Variants in CDYL observed in about 807,000 individuals in gnomAD.
CDYL encodes chromodomain Y like, also known as chromodomain Y-like protein.
CDYL carries 8 observed loss-of-function variants against 47.3 expected under a neutral mutation model. The ratio of observed to expected loss-of-function variants is 0.17; its 90% CI spans 0.10 to 0.31. CDYL has a LOEUF of 0.31. Among genes scored for constraint, CDYL ranks in the 10% least tolerant of loss-of-function variants. The probability of loss-of-function intolerance (pLI) is 1.00; values close to 1 mark genes in which losing one functional copy is unlikely to be tolerated. For synonymous variants in CDYL, 266 were observed against 265.0 expected (o/e 1.00, Z -0.04); for missense variants, 471 against 701.4 (o/e 0.67, Z 3.71).
At chr6:4,844,768 TG>T (rs1460466005) in intron 1 of CDYL, among the ~76,000 whole-genome samples, 4 of 152,234 alleles carry the variant, frequency 2.6e-5, no homozygotes. Flanking sequence ...AGGTAGCTTA[TG>T]AGTTCAGAGC....
At chr6:4,785,705 T>C (rs1261069323) in intron 1 of CDYL, among the ~76,000 whole-genome samples, 1 of 152,230 alleles carries the variant, frequency 6.6e-6, no homozygotes, top group Non-Finnish European at 1.5e-5. Context: ...CCATGCACAC[T>C]GGACAACAGC....
intron 2 of CDYL, among the ~76,000 whole-genome samples, chr6:4,895,015 A>G (rs1033682015): frequency 4.0e-5 from 6 of 151,712 alleles, no homozygotes; most frequent in African/African-American, 1.5e-4. Flanking sequence ...GTTTATACAT[A>G]TATGTATGTA....
chr6:4,910,042 T>G (rs1757363693), intron 2 of CDYL, among the ~76,000 whole-genome samples: 1 of 152,110 alleles, frequency 6.6e-6, no homozygotes, highest in Non-Finnish European at 1.5e-5. Context: ...TACCTTTTTT[T>G]TTTTTAATCT....
At chr6:4,945,241 T>A (rs1758477100) in intron 5 of CDYL, among the ~76,000 whole-genome samples, 1 of 152,204 alleles carries the variant, frequency 6.6e-6, no homozygotes, top group South Asian at 2.1e-4. Context: ...TATGTGACAT[T>A]TTTTAACCTA....
chr6:4,874,140 C>A (rs808637), intron 1 of CDYL, among the ~76,000 whole-genome samples: 1 of 152,040 alleles, frequency 6.6e-6, no homozygotes, highest in African/African-American at 2.4e-5. Flanking sequence ...AGACAGAAAA[C>A]GGTTCACTTT....
At chr6:4,730,674 C>CAAAAAA (rs56956798) in intron 2 of CDYL, among the ~76,000 whole-genome samples, 2 of 60,454 alleles carry the variant, frequency 3.3e-5, no homozygotes. Flanking sequence ...AATTCCATCT[C>CAAAAAA]AAAAAAAAAA....
intron 1 of CDYL, among the ~76,000 whole-genome samples, chr6:4,788,985 C>T (rs995704932): frequency 8.5e-5 from 13 of 152,110 alleles, no homozygotes; most frequent in East Asian, 1.9e-4. Context: ...AGCTACATGG[C>T]GGGCCAGGTG....
chr6:4,825,286 A>G (rs1035815947), intron 1 of CDYL, among the ~76,000 whole-genome samples: 2 of 152,138 alleles, frequency 1.3e-5, no homozygotes, highest in African/African-American at 4.8e-5. Context: ...TGCTGAATTT[A>G]TTAGCTTTAG....
At chr6:4,778,296 A>G (rs1758523525) in intron 1 of CDYL, among the ~76,000 whole-genome samples, 1 of 152,204 alleles carries the variant, frequency 6.6e-6, no homozygotes, top group African/African-American at 2.4e-5. Flanking sequence ...TTTTATGAGT[A>G]TGATTACATA....
upstream of CDYL, among the ~76,000 whole-genome samples, chr6:4,772,246 T>A (rs1758348203): frequency 6.6e-6 from 1 of 152,132 alleles, no homozygotes; most frequent in Non-Finnish European, 1.5e-5. Flanking sequence ...ATGAAACAAC[T>A]AGTGATATCT....
In CDYL at chr6:4,791,267, C is replaced by G. The variant is rs867778843; in HGVS notation, c.24+14460C>G. 5.9e-5 allele frequency among the ~76,000 whole-genome samples: 9 copies of G among 152,304 alleles called. 1 individual carries two copies. In the Middle Eastern group the frequency reaches 0.02, roughly 345 times the overall value. ...GTGGAAATCAGGATGTTTTGAGAAT[C>G]AGTGAGGTGGAGGGAACAGGGCTGG... On this transcript the variant is annotated intron_variant, in intron 1 of 6. Coordinates refer to ENST00000397588, the MANE Select transcript of CDYL (RefSeq NM_004824.4).
intron 1 of CDYL, among the ~76,000 whole-genome samples, chr6:4,810,034 A>G (rs57332003): frequency 0.034 from 5,155 of 151,288 alleles, 326 homozygotes; most frequent in African/African-American, 0.12. Flanking sequence ...GATATTTTGT[A>G]TGGTAGGGGT....
chr6:4,797,154 A>G (rs1306259142), intron 1 of CDYL, among the ~76,000 whole-genome samples: 4 of 151,510 alleles, frequency 2.6e-5, no homozygotes, highest in Non-Finnish European at 5.9e-5. Flanking sequence ...AGTGTACCAA[A>G]AATGAAATAT....
chr6:4,751,571 G>A (rs1475673337), intron 3 of CDYL, among the ~76,000 whole-genome samples: 1 of 152,176 alleles, frequency 6.6e-6, no homozygotes, highest in Non-Finnish European at 1.5e-5. Context: ...TAATAATGAA[G>A]AGGGCTGTTG....
intron 3 of CDYL, among the ~76,000 whole-genome samples, chr6:4,748,701 A>T (rs1035696209): frequency 6.6e-6 from 1 of 150,804 alleles, no homozygotes; most frequent in Non-Finnish European, 1.5e-5. Context: ...TAGTAAAAAA[A>T]AATATAAAGA....
At chr6:4,721,048 T>C (rs2127409765) in intron 2 of CDYL, among the ~76,000 whole-genome samples, 1 of 152,070 alleles carries the variant, frequency 6.6e-6, no homozygotes, top group East Asian at 1.9e-4. Context: ...GATCTGCCTC[T>C]GAGGAGCTAA....
At chr6:4,951,392 T>G (rs1285491066) in intron 5 of CDYL, among the ~76,000 whole-genome samples, 1 of 152,100 alleles carries the variant, frequency 6.6e-6, no homozygotes, top group African/African-American at 2.4e-5. Flanking sequence ...GAGCCTGTCA[T>G]TTGAATGATG....
intron 1 of CDYL, among the ~76,000 whole-genome samples, chr6:4,869,589 A>T (rs1761417027): frequency 6.6e-6 from 1 of 152,026 alleles, no homozygotes; most frequent in African/African-American, 2.4e-5. Flanking sequence ...ATATTCTCTG[A>T]ATTTTAAAAC....
intron 1 of CDYL, among the ~76,000 whole-genome samples, chr6:4,796,225 G>A (rs929840681): frequency 3.3e-5 from 5 of 152,090 alleles, no homozygotes; most frequent in African/African-American, 7.2e-5. Flanking sequence ...GAGCCACTGC[G>A]CCTGGCCCAC....
Sources: gnomAD v4.1 joint callset for allele counts (sites outside exome capture counted in the v4.1 genomes callset) on GRCh38, gnomAD v4.1.1 for gene constraint, MANE v1.5 for transcripts, NCBI Gene and HGNC (gene_info 2026-07-23, HGNC 2026-07-21) for gene names.